DTD1: variants seen among roughly 807,000 people sequenced by gnomAD.
DTD1 encodes the protein D-tyrosyl-tRNA deacylase 1 homolog.
A neutral mutation model predicts 25.6 loss-of-function variants in DTD1; 13 were observed. The ratio of observed to expected loss-of-function variants is 0.51; its 90% CI spans 0.33 to 0.81. DTD1 has a LOEUF of 0.81. Among genes scored for constraint, DTD1 ranks in the 30% least tolerant of loss-of-function variants. The probability of loss-of-function intolerance (pLI) is 0.02; values close to 1 mark genes in which losing one functional copy is unlikely to be tolerated. For missense variants in DTD1, 193 were observed against 266.4 expected (o/e 0.72, Z 1.92); for synonymous variants, 110 against 103.6 (o/e 1.06, Z -0.37).
intron 4 of DTD1, among the ~76,000 whole-genome samples, chr20:18,717,964 T>G (rs757484558): frequency 1.3e-5 from 2 of 152,156 alleles, no homozygotes; most frequent in African/African-American, 4.8e-5. Flanking sequence ...GTAAAAAGAC[T>G]TAGGAAAATG....
intron 4 of DTD1, among the ~76,000 whole-genome samples, chr20:18,674,033 C>CTGTAATTACTTGCTA (rs965300106): frequency 9.2e-5 from 14 of 151,882 alleles, no homozygotes; most frequent in Admixed American, 1.3e-4. Context: ...ACCTTTTTTC[C>CTGTAATTACTTGCTA]TGTAATTACT....
intron 4 of DTD1, among the ~76,000 whole-genome samples, chr20:18,743,486 G>A (rs2061286245): frequency 6.6e-6 from 1 of 152,038 alleles, no homozygotes; most frequent in Non-Finnish European, 1.5e-5. Context: ...TTGAGCCCAG[G>A]AGTTCAAGAA....
chr20:18,636,721 T>A (rs1177680397), intron 4 of DTD1, among the ~76,000 whole-genome samples: 1 of 152,166 alleles, frequency 6.6e-6, no homozygotes, highest in Non-Finnish European at 1.5e-5. Context: ...TGCAAGTGCC[T>A]TTTGCTGGGA....
At chr20:18,608,101 C>A (rs2060669579) in intron 3 of DTD1, among the ~76,000 whole-genome samples, 1 of 151,950 alleles carries the variant, frequency 6.6e-6, no homozygotes, top group African/African-American at 2.4e-5. Flanking sequence ...TCTTTGGGAA[C>A]CCTGAGAAAC....
intron 4 of DTD1, among the ~76,000 whole-genome samples, chr20:18,667,681 TGCC>T (rs2060937007): frequency 6.6e-6 from 1 of 152,192 alleles, no homozygotes; most frequent in Non-Finnish European, 1.5e-5. Context: ...TGGATCCGTC[TGCC>T]TTATGAACTG....
chr20:18,625,673 A>G (rs73112658), intron 3 of DTD1, among the ~76,000 whole-genome samples: 11,189 of 152,248 alleles, frequency 0.073, 529 homozygotes, highest in Non-Finnish European at 0.1. Flanking sequence ...GAACCCCTCA[A>G]TGCCACTGAT....
intron 4 of DTD1, among the ~76,000 whole-genome samples, chr20:18,728,305 A>C (rs1325632564): frequency 6.6e-6 from 1 of 152,128 alleles, no homozygotes; most frequent in African/African-American, 2.4e-5. Flanking sequence ...GCACAGCAAG[A>C]CCTGGCTGGG....
At chr20:18,719,112 G>T (rs1189979245) in intron 4 of DTD1, among the ~76,000 whole-genome samples, 4 of 152,216 alleles carry the variant, frequency 2.6e-5, no homozygotes, top group Non-Finnish European at 4.4e-5. Context: ...GGTTTACCAG[G>T]ATATAACCTC....
chr20:18,654,900 G>A (rs983430873), intron 4 of DTD1, among the ~76,000 whole-genome samples: 1 of 152,074 alleles, frequency 6.6e-6, no homozygotes, highest in African/African-American at 2.4e-5. Flanking sequence ...AAAACCCTTT[G>A]TCTTTAAAAG....
At chr20:18,738,388 G>A (rs2061264938) in intron 4 of DTD1, among the ~76,000 whole-genome samples, 1 of 152,184 alleles carries the variant, frequency 6.6e-6, no homozygotes, top group South Asian at 2.1e-4. Context: ...CTACATGAGG[G>A]TGGCTTATAA....
intron 4 of DTD1, among the ~76,000 whole-genome samples, chr20:18,737,606 T>A (rs575813841): frequency 6.6e-6 from 1 of 152,218 alleles, no homozygotes; most frequent in Non-Finnish European, 1.5e-5. Flanking sequence ...CCACTGCCAC[T>A]GACAGGCACA....
chr20:18,716,068 C>T lies in DTD1; in HGVS notation c.478-28032C>T, dbSNP rs138744594. 2.4e-3 allele frequency among the ~76,000 whole-genome samples: 370 copies of T among 152,246 alleles called. 7 individuals are homozygous for T. Among genetic ancestry groups the T allele is most frequent in the Admixed American group, 0.02 (302 of 15,292 alleles). On this transcript the variant is annotated intron_variant, in intron 4 of 5. Coordinates refer to ENST00000377452, the MANE Select transcript of DTD1 (RefSeq NM_080820.6). ...TTGGTTTGCTAGAAGCTTCAAACTG[C>T]TTTTCAGGCATTTGGATTCACCAGC...
intron 4 of DTD1, among the ~76,000 whole-genome samples, chr20:18,695,368 A>T (rs1208738630): frequency 1.0e-5 from 1 of 96,806 alleles, no homozygotes; most frequent in South Asian, 3.7e-4. Flanking sequence ...GTCTCTGGGA[A>T]TCTCATCCCT....
chr20:18,758,663 A>T (rs2061348713), intron 5 of DTD1, among the ~76,000 whole-genome samples: 1 of 152,106 alleles, frequency 6.6e-6, no homozygotes, highest in South Asian at 2.1e-4. Flanking sequence ...GTTCTTTTAC[A>T]TTTGCTGAGG....
intron 4 of DTD1, among the ~76,000 whole-genome samples, chr20:18,716,223 T>C (rs1294822073): frequency 6.6e-6 from 1 of 152,212 alleles, no homozygotes; most frequent in Non-Finnish European, 1.5e-5. Flanking sequence ...ACCTTTGATA[T>C]CCCAGAAGCA....
intron 3 of DTD1, among the ~76,000 whole-genome samples, chr20:18,608,253 TC>T (rs992510044): frequency 7.9e-5 from 12 of 152,036 alleles, no homozygotes; most frequent in Non-Finnish European, 1.6e-4. Flanking sequence ...ATTTGTGTCC[TC>T]TTTTTTTTTT....
chr20:18,709,612 T>C (rs755700749), intron 4 of DTD1, among the ~76,000 whole-genome samples: 1 of 152,258 alleles, frequency 6.6e-6, no homozygotes, highest in South Asian at 2.1e-4. Flanking sequence ...CTAAGGGCAA[T>C]TGGGGGGACA....
intron 5 of DTD1, among the ~76,000 whole-genome samples, chr20:18,756,094 C>T (rs1004133653): frequency 6.6e-6 from 1 of 151,942 alleles, no homozygotes; most frequent in Non-Finnish European, 1.5e-5. Context: ...TGTTCATATC[C>T]TTCGCCCACT....
intron 4 of DTD1, among the ~76,000 whole-genome samples, chr20:18,724,944 G>A (rs1213870996): frequency 6.6e-6 from 1 of 152,244 alleles, no homozygotes; most frequent in Non-Finnish European, 1.5e-5. Context: ...AATTGATGCA[G>A]GGCAGGGAAG....
Sources: allele counts gnomAD v4.1 joint callset (sites outside exome capture counted in the v4.1 genomes callset), GRCh38; gene constraint gnomAD v4.1.1; transcripts MANE v1.5; gene names NCBI Gene and HGNC (gene_info 2026-07-23, HGNC 2026-07-21).